The following ADAM11 variants were observed in gnomAD, a reference collection of about 807,000 sequenced individuals.
ADAM11 encodes disintegrin and metalloproteinase domain-containing protein 11.
ADAM11 carries 49 observed loss-of-function variants against 119.1 expected under a neutral mutation model. That is an observed-to-expected ratio of 0.41 (90% CI 0.33 to 0.52). The LOEUF is 0.52. ADAM11 is among the 20% of genes least tolerant of loss of function. The pLI, the probability that ADAM11 is intolerant of heterozygous loss-of-function variation, is 0.20. For missense variants in ADAM11, 777 were observed against 1,047.5 expected (o/e 0.74, Z 3.56); for synonymous variants, 364 against 408.0 (o/e 0.89, Z 1.30).
chr17:44,772,415 G>A lies in ADAM11; in HGVS notation c.627G>A (p.Val209=), dbSNP rs1174851185. ...TCCCCACAGGCTGCCTGTTTGCTGTGCCTGCCCAGTCGGCTCCTCCAAACC... is the reference window on the plus strand; with the variant it reads ...TCCCCACAGGCTGCCTGTTTGCTGTACCTGCCCAGTCGGCTCCTCCAAACC... ...GCREPGCLFA[V]PAQSAPPNRP... The change falls in exon 8 of 27, where the codon GTG becomes GTA. Residue 209 remains valine, a synonymous_variant. Transcript: ENST00000200557. This position sits in a 1 kb window ranked among gnomAD's most constrained non-coding sequence, Gnocchi z 4.5. 6.3e-7 allele frequency: 1 copy of A among 1,578,728 alleles called. No homozygotes were observed. Among genetic ancestry groups the A allele is most frequent in the Non-Finnish European group, 8.6e-7 (1 of 1,161,612 alleles).
Position 44,773,081 on chromosome 17 carries a change from A to G in ADAM11, c.821A>G (p.Asp274Gly). 1 of 1,613,328 alleles carries G rather than the reference A, an allele frequency of 6.2e-7. No individual in the cohort carries two copies. The highest frequency in any genetic ancestry group is 8.5e-7 in the Non-Finnish European group (1 of 1,179,814). The change falls in exon 10 of 27, where the codon GAT (aspartate) becomes GGT (glycine). Residue 274 changes from aspartate to glycine, a missense_variant. This residue lies in a region of ADAM11 where 147 missense variants were observed against 223.3 expected (regional missense o/e 0.66). Transcript: ENST00000200557. The surrounding 1 kb of genome is among the most constrained non-coding windows in gnomAD (Gnocchi z 4.6). Reference sequence around the variant, plus strand: ...GCCAAGTCCGTGGTGAACCTGGCCGATGTGGTAAGCAGCTCTCCCTCCCTC... The same window carrying G: ...GCCAAGTCCGTGGTGAACCTGGCCGGTGTGGTAAGCAGCTCTCCCTCCCTC... ...NFAKSVVNLA[D>G]VIYKEQLNTR...
Position 44,773,560 on chromosome 17 carries a change from A to C in ADAM11, c.992+133A>C, listed in dbSNP as rs1598890957. On this transcript the variant is annotated intron_variant, in intron 11 of 26. Transcript: ENST00000200557. This position sits in a 1 kb window ranked among gnomAD's most constrained non-coding sequence, Gnocchi z 4.6. ...TGGGCTCACCTTGCACCTGCCACCT[A>C]CCCCCAGCCACATGCAACAGCTGGG... 1.9e-6 allele frequency: 2 copies of C among 1,077,312 alleles called. No individual in the cohort carries two copies. Among genetic ancestry groups the C allele is most frequent in the Non-Finnish European group, 2.6e-6 (2 of 770,356 alleles). The allele number at this position is 1,077,312 out of a possible 1,614,324, so 66.7% of individuals were successfully genotyped here. A position where few individuals can be genotyped will look rare whatever the true frequency, so the allele number is the denominator to read the frequency against.
Position 44,776,799 on chromosome 17 carries a change from T to C in ADAM11, c.1617+4T>C. On this transcript the variant is annotated splice_donor_region_variant and intron_variant, in intron 19 of 26. Transcript: ENST00000200557. This position sits in a 1 kb window ranked among gnomAD's most constrained non-coding sequence, Gnocchi z 5.2. ...TTACTACTGTGACCATGAGCAGGTA[T>C]GATGGCTGCCCCCTGAGCCTGGGAT... The C allele has an allele frequency of 6.2e-7, 1 of 1,614,180 alleles. No individual in the cohort carries two copies. The highest frequency in any genetic ancestry group is 8.5e-7 in the Non-Finnish European group (1 of 1,180,022).
chr17:44,767,846 G>A (rs2049469370), intron 2 of ADAM11, among the ~76,000 whole-genome samples: 1 of 152,254 alleles, frequency 6.6e-6, no homozygotes, highest in Admixed American at 6.5e-5. Flanking sequence ...AGTGGGGACT[G>A]GCTTGGCCTC....
Position 44,776,603 on chromosome 17 carries a change from A to C in ADAM11, c.1567-142A>C, listed in dbSNP as rs2049604340. The stretch of plus-strand genomic sequence containing the variant: ...GTGTGGTCTGGGTCCAGAACCAGAC[A>C]GATCGCTTGTCCTAGGCGTGGAAGA... On this transcript the variant is annotated intron_variant, in intron 18 of 26. Transcript: ENST00000200557. This position sits in a 1 kb window ranked among gnomAD's most constrained non-coding sequence, Gnocchi z 5.2. 3 of 1,072,094 alleles carry C rather than the reference A, an allele frequency of 2.8e-6. No individual in the cohort carries two copies. In the Admixed American group the frequency reaches 7.7e-5, roughly 28 times the overall value. The allele number at this position is 1,072,094 out of a possible 1,614,324, so 66.4% of individuals were successfully genotyped here.
At chr17:44,759,326 C>T in intron 1 of ADAM11, 66 bp downstream of exon 1, 2 of 1,330,362 alleles carry the variant, frequency 1.5e-6, no homozygotes, top group South Asian at 1.8e-5. Context: ...GCGGCGCTTG[C>T]TGCTGCAGCC....
At position 44,775,343 on chromosome 17, in the gene ADAM11, G is replaced by C. The variant is rs1347070330; in HGVS notation, c.1320+32G>C. The C allele has an allele frequency of 6.2e-7, 1 of 1,613,326 alleles. No homozygotes were observed. Among genetic ancestry groups the C allele is most frequent in the Non-Finnish European group, 8.5e-7 (1 of 1,179,836 alleles). Reference sequence around the variant, plus strand: ...GCCCCGCGGCGGGGAGCATGGGAGCGGGCCCTGGGCGGGGTCCGGGCCAGA... The same window carrying C: ...GCCCCGCGGCGGGGAGCATGGGAGCCGGCCCTGGGCGGGGTCCGGGCCAGA... On this transcript the variant is annotated intron_variant, in intron 15 of 26. Transcript: ENST00000200557. This position sits in a 1 kb window ranked among gnomAD's most constrained non-coding sequence, Gnocchi z 7.5.
In ADAM11 at chr17:44,775,775, GGGGA is replaced by G; in HGVS notation, c.1485+100_1485+103del. 8.8e-6 allele frequency: 11 copies of G among 1,254,554 alleles called. No homozygotes were observed. The highest frequency in any genetic ancestry group is 1.2e-5 in the Non-Finnish European group (11 of 913,918). The allele number at this position is 1,254,554 out of a possible 1,614,324, so 77.7% of individuals were successfully genotyped here. ...AGCTAGGGAGGGAAGCGGAGCCTTC[GGGGA>G]CGAAGGCCTCTGGGGCAGGGCTTGA... On this transcript the variant is annotated intron_variant, in intron 17 of 26. Coordinates refer to ENST00000200557, the MANE Select transcript of ADAM11 (RefSeq NM_002390.6). This position sits in a 1 kb window ranked among gnomAD's most constrained non-coding sequence, Gnocchi z 7.5.
rs980966957 is a variant in ADAM11 at position 44,771,569 on chromosome 17, G to C, written c.382-15G>C. On this transcript the variant is annotated splice_polypyrimidine_tract_variant and intron_variant, in intron 4 of 26. Transcript: ENST00000200557. ...GCCTCATGCCAGCGTTCTGCTCACT[G>C]TTCTGCTCCTTCAGGGGGCTGGAGA... 8.1e-6 allele frequency: 13 copies of C among 1,610,416 alleles called. No homozygotes were observed. The highest frequency in any genetic ancestry group is 1.7e-5 in the Admixed American group (1 of 59,248).
In ADAM11 at chr17:44,776,657, G is replaced by A. The variant is rs567694771; in HGVS notation, c.1567-88G>A. On this transcript the variant is annotated intron_variant, in intron 18 of 26. Coordinates refer to ENST00000200557, the MANE Select transcript of ADAM11 (RefSeq NM_002390.6). The surrounding 1 kb of genome is among the most constrained non-coding windows in gnomAD (Gnocchi z 5.2). The stretch of plus-strand genomic sequence containing the variant: ...CTGTGGCATGAGCCCCCAATGGGGG[G>A]CACTTGGTACCCCAGCATTCCTCCC... The A allele has an allele frequency of 3.3e-6, 5 of 1,503,110 alleles. No homozygotes were observed. The highest frequency in any genetic ancestry group is 4.5e-6 in the Non-Finnish European group (5 of 1,099,002). The allele number at this position is 1,503,110 out of a possible 1,614,324, so 93.1% of individuals were successfully genotyped here. A position where few individuals can be genotyped will look rare whatever the true frequency, so the allele number is the denominator to read the frequency against.
intron 4 of ADAM11, among the ~76,000 whole-genome samples, chr17:44,770,272 A>C (rs2049504768): frequency 6.6e-6 from 1 of 151,802 alleles, no homozygotes; most frequent in Non-Finnish European, 1.5e-5. Context: ...CAGAGCTCTG[A>C]CCCCCAGCCA....
Position 44,772,180 on chromosome 17 carries a change from G to A in ADAM11, c.544-87G>A, listed in dbSNP as rs1009740785. 6.9e-5 allele frequency: 88 copies of A among 1,276,496 alleles called. No individual in the cohort carries two copies. Among genetic ancestry groups the A allele is most frequent in the Non-Finnish European group, 1.2e-5 (11 of 906,960 alleles). The allele number at this position is 1,276,496 out of a possible 1,614,324, so 79.1% of individuals were successfully genotyped here. A position where few individuals can be genotyped will look rare whatever the true frequency, so the allele number is the denominator to read the frequency against. On this transcript the variant is annotated intron_variant, in intron 6 of 26. Transcript: ENST00000200557. This position sits in a 1 kb window ranked among gnomAD's most constrained non-coding sequence, Gnocchi z 4.5. The stretch of plus-strand genomic sequence containing the variant: ...GTTCTGGGTCACCCCAGGGTGGGGT[G>A]GAGGCGAGGGCTGGATCTGGCCCCC...
At chr17:44,769,615 C>G in intron 2 of ADAM11, 103 bp from the exon 3 acceptor site, 4 of 778,360 alleles carry the variant, frequency 5.1e-6, no homozygotes, top group Non-Finnish European at 8.9e-6. Context: ...GCTGCTAGGG[C>G]TGGCCACCCC....
In ADAM11 at chr17:44,775,600, G is replaced by C. The variant is rs757485601; in HGVS notation, c.1409G>C (p.Gly470Ala). The C allele has an allele frequency of 1.9e-6, 3 of 1,581,768 alleles. No homozygotes were observed. In the East Asian group the frequency reaches 6.9e-5, roughly 36 times the overall value. The change falls in exon 17 of 27, where the codon GGT (glycine) becomes GCT (alanine). Residue 470 changes from glycine to alanine, a missense_variant. This residue lies in a region of ADAM11 where 348 missense variants were observed against 486.7 expected (regional missense o/e 0.72). Coordinates refer to ENST00000200557, the MANE Select transcript of ADAM11 (RefSeq NM_002390.6). This position sits in a 1 kb window ranked among gnomAD's most constrained non-coding sequence, Gnocchi z 7.5. ...GTCCCTCAGGAGTGCAGCCGCGCAG[G>C]TGGCAACTGCTGCAAGAAATGCACC... Reference protein sequence around the residue: ...CGSVQECSRAGGNCCKKCTLT... With the variant: ...CGSVQECSRAAGNCCKKCTLT...
intron 25 of ADAM11, among the ~76,000 whole-genome samples, chr17:44,778,786 C>T (rs890474700): frequency 4.0e-5 from 6 of 151,066 alleles, no homozygotes; most frequent in Non-Finnish European, 5.9e-5. Context: ...GGATTTCCAG[C>T]TCTGGAAACA....
rs2049666401 is a variant in ADAM11 at position 44,779,771 on chromosome 17, T to C, written c.*17T>C. ...GGGGCCTAAGTGCCACCCTCCTCCCTCCAAGCCTGGCACCCACCGTCTCGG... is the reference window on the plus strand; with the variant it reads ...GGGGCCTAAGTGCCACCCTCCTCCCCCCAAGCCTGGCACCCACCGTCTCGG... On this transcript the variant is annotated 3_prime_UTR_variant, in exon 27 of 27. Coordinates refer to ENST00000200557, the MANE Select transcript of ADAM11 (RefSeq NM_002390.6). 2 of 1,612,054 alleles carry C rather than the reference T, an allele frequency of 1.2e-6. No homozygotes were observed. The highest frequency in any genetic ancestry group is 1.7e-6 in the Non-Finnish European group (2 of 1,179,468).
At chr17:44,769,645 C>G (rs959848223) in intron 2 of ADAM11, 73 bp from the exon 3 acceptor site, 1 of 989,916 alleles carries the variant, frequency 1.0e-6, no homozygotes, top group Non-Finnish European at 1.6e-6. Context: ...GCTACTGTTG[C>G]TCCCGGGATC....
Position 44,780,006 on chromosome 17 carries a change from T to C in ADAM11, c.*252T>C, listed in dbSNP as rs1157165560. On this transcript the variant is annotated 3_prime_UTR_variant, in exon 27 of 27. Coordinates refer to ENST00000200557, the MANE Select transcript of ADAM11 (RefSeq NM_002390.6). ...CTGCGGCTCAGCCTTGCACACCCAC[T>C]GCCCCGTGTGAATGTAGCTTCCACC... is the stretch of plus-strand genomic sequence containing the variant. 4 of 700,152 alleles carry C rather than the reference T, an allele frequency of 5.7e-6. No individual in the cohort carries two copies. In the East Asian group the frequency reaches 1.1e-4, roughly 19 times the overall value. 43.4% of individuals were successfully genotyped at this position (700,152 alleles called of 1,614,324 possible). A position where few individuals can be genotyped will look rare whatever the true frequency, so the allele number is the denominator to read the frequency against.
intron 2 of ADAM11, among the ~76,000 whole-genome samples, chr17:44,768,846 C>T (rs1048209169): frequency 6.6e-6 from 1 of 152,108 alleles, no homozygotes; most frequent in Non-Finnish European, 1.5e-5. Flanking sequence ...GGTCTGGAGT[C>T]AGTCTTCTGG....
Sources: allele counts gnomAD v4.1 joint callset (sites outside exome capture counted in the v4.1 genomes callset), GRCh38; gene constraint gnomAD v4.1.1; regional missense constraint gnomAD v4.1.1; non-coding constraint Gnocchi (gnomAD v3.1); transcripts MANE v1.5; gene names NCBI Gene and HGNC (gene_info 2026-07-23, HGNC 2026-07-21).